Variants in GAB2 observed in about 807,000 individuals in gnomAD.
The protein encoded by GAB2 is GRB2-associated-binding protein 2.
In GAB2, 26 loss-of-function variants were observed where a neutral mutation model predicts 65.5. The ratio of observed to expected loss-of-function variants is 0.40; its 90% CI spans 0.29 to 0.55. GAB2 has a LOEUF of 0.55. Among genes scored for constraint, GAB2 ranks in the 20% least tolerant of loss-of-function variants. The probability of loss-of-function intolerance (pLI) is 0.53; values close to 1 mark genes in which losing one functional copy is unlikely to be tolerated. For synonymous variants in GAB2, 321 were observed against 329.6 expected (o/e 0.97, Z 0.28); for missense variants, 884 against 875.8 (o/e 1.01, Z -0.12).
intron 1 of GAB2, among the ~76,000 whole-genome samples, chr11:78,327,299 G>A (rs567169699): frequency 9.9e-5 from 15 of 152,210 alleles, no homozygotes; most frequent in Admixed American, 2.6e-4. Flanking sequence ...GGTCTGCTGG[G>A]CATTCAAAGT....
At chr11:78,232,527 G>A (rs140023844) in intron 3 of GAB2, among the ~76,000 whole-genome samples, 2 of 152,262 alleles carry the variant, frequency 1.3e-5, no homozygotes, top group African/African-American at 4.8e-5. Flanking sequence ...TCTTTCCGTT[G>A]GCAATAGATA....
At chr11:78,360,533 A>G (rs538580497) in intron 1 of GAB2, among the ~76,000 whole-genome samples, 1 of 152,278 alleles carries the variant, frequency 6.6e-6, no homozygotes, top group African/African-American at 2.4e-5. Context: ...CCCTAAATGA[A>G]TTTATTAATT....
chr11:78,337,418 A>G (rs1190389406), intron 1 of GAB2, among the ~76,000 whole-genome samples: 1 of 152,220 alleles, frequency 6.6e-6, no homozygotes, highest in Non-Finnish European at 1.5e-5. Flanking sequence ...GAAGTAAGGC[A>G]GAATTCCCCA....
At chr11:78,297,522 T>G (rs922613517) in intron 1 of GAB2, among the ~76,000 whole-genome samples, 1 of 152,144 alleles carries the variant, frequency 6.6e-6, no homozygotes, top group South Asian at 2.1e-4. Context: ...GTCCATCATA[T>G]GGGAACTACT....
chr11:78,260,493 T>A (rs1256542050), intron 2 of GAB2, among the ~76,000 whole-genome samples: 1 of 149,896 alleles, frequency 6.7e-6, no homozygotes, highest in East Asian at 2.0e-4. Flanking sequence ...TTTTTTTGAA[T>A]GGAGTCTTGC....
rs1186751366 is a variant in GAB2 at position 78,399,564 on chromosome 11, C to T, written c.75+18082G>A. Among the ~76,000 whole-genome samples the T allele has an allele frequency of 2.0e-5, 3 of 152,174 alleles. No homozygotes were observed. In the East Asian group the frequency reaches 5.8e-4, roughly 29 times the overall value. On this transcript the variant is annotated intron_variant, in intron 1 of 9. Transcript: ENST00000361507. ...TTTCCCTTCCATGAGACTGGCAGATCCTTGAGCTGTTCCTTTCAGGAAAAA... is the reference window on the plus strand; with the variant it reads ...TTTCCCTTCCATGAGACTGGCAGATTCTTGAGCTGTTCCTTTCAGGAAAAA...
intron 1 of GAB2, among the ~76,000 whole-genome samples, chr11:78,398,446 C>T (rs1565184894): frequency 1.3e-5 from 2 of 152,122 alleles, no homozygotes; most frequent in Non-Finnish European, 2.9e-5. Flanking sequence ...ATGTACATGT[C>T]TAGTATTTGC....
intron 1 of GAB2, among the ~76,000 whole-genome samples, chr11:78,393,021 A>T (rs1856853377): frequency 6.6e-6 from 1 of 152,230 alleles, no homozygotes; most frequent in African/African-American, 2.4e-5. Flanking sequence ...AAGAGACTAA[A>T]AACACAGTCA....
At position 78,218,444 on chromosome 11, in the gene GAB2, G is replaced by A. The variant is rs1402045921; in HGVS notation, c.*828C>T. ...GACTGGGGAAGAGGACTAGCCCTTG[G>A]GCCTAGAGTGGCCTGTAGCTCCAGA... On this transcript the variant is annotated 3_prime_UTR_variant, in exon 10 of 10. Transcript: ENST00000361507. 6.6e-6 allele frequency: 1 copy of A among 152,436 alleles called. No homozygotes were observed. Among genetic ancestry groups the A allele is most frequent in the African/African-American group, 2.4e-5 (1 of 41,446 alleles). 9.4% of individuals were successfully genotyped at this position (152,436 alleles called of 1,614,324 possible). A position where few individuals can be genotyped will look rare whatever the true frequency, so the allele number is the denominator to read the frequency against.
At chr11:78,248,902 A>G (rs1865370353) in intron 3 of GAB2, among the ~76,000 whole-genome samples, 1 of 152,192 alleles carries the variant, frequency 6.6e-6, no homozygotes, top group Non-Finnish European at 1.5e-5. Context: ...TAACGCCACT[A>G]ACTAGTTCAG....
chr11:78,256,838 G>A (rs1464782626), intron 2 of GAB2, among the ~76,000 whole-genome samples: 1 of 152,286 alleles, frequency 6.6e-6, no homozygotes, highest in East Asian at 1.9e-4. Context: ...ATTAAACAAT[G>A]TGTGGCTGGG....
In GAB2 at chr11:78,217,485, G is replaced by A. The variant is rs955140764; in HGVS notation, c.*1787C>T. 3.3e-5 allele frequency: 5 copies of A among 152,322 alleles called. No individual in the cohort carries two copies. The highest frequency in any genetic ancestry group is 1.3e-4 in the Admixed American group (2 of 15,286). The allele number at this position is 152,322 out of a possible 1,614,324, so 9.4% of individuals were successfully genotyped here. On this transcript the variant is annotated 3_prime_UTR_variant, in exon 10 of 10. Coordinates refer to ENST00000361507, the MANE Select transcript of GAB2 (RefSeq NM_080491.3). Reference sequence around the variant, plus strand: ...TATGCATGCTCATGGGAGCTGAAAGGGGAATGGGGGCAGAGGACAGTGGTA... The same window carrying A: ...TATGCATGCTCATGGGAGCTGAAAGAGGAATGGGGGCAGAGGACAGTGGTA...
intron 2 of GAB2, among the ~76,000 whole-genome samples, chr11:78,272,436 T>C (rs1245980175): frequency 1.3e-5 from 2 of 152,170 alleles, no homozygotes; most frequent in African/African-American, 4.8e-5. Context: ...GTGACTCTTG[T>C]TATATTTTAG....
chr11:78,338,461 A>C (rs2134687762), intron 1 of GAB2, among the ~76,000 whole-genome samples: 1 of 152,354 alleles, frequency 6.6e-6, no homozygotes, highest in South Asian at 2.1e-4. Flanking sequence ...TCTACACCAA[A>C]GGCAGGAACT....
intron 1 of GAB2, among the ~76,000 whole-genome samples, chr11:78,320,177 A>G (rs565328515): frequency 6.6e-6 from 1 of 152,168 alleles, no homozygotes; most frequent in East Asian, 1.9e-4. Flanking sequence ...AGGTGAGAAG[A>G]AACAGATAAT....
intron 2 of GAB2, among the ~76,000 whole-genome samples, chr11:78,272,267 C>T (rs111656773): frequency 0.028 from 4,228 of 152,118 alleles, 153 homozygotes; most frequent in African/African-American, 0.088. Context: ...GAACAGTTTG[C>T]GGGGCTCAGA....
chr11:78,402,313 GGAAGCCTTTGCT>G, intron 1 of GAB2, among the ~76,000 whole-genome samples: 1 of 145,028 alleles, frequency 6.9e-6, no homozygotes, highest in African/African-American at 2.9e-5. Flanking sequence ...TTCTTCTCTA[GGAAGCCTTTGCT>G]TTTTTTTCTT....
chr11:78,236,576 A>G (rs1864987549), intron 3 of GAB2, among the ~76,000 whole-genome samples: 1 of 152,206 alleles, frequency 6.6e-6, no homozygotes. Context: ...ATATTTCTCC[A>G]TTAGGTATGA....
rs58702567 is a variant in GAB2, at chr11:78,285,310, A to G, written c.76-4409T>C. ...AACAAGAAAACCATGTTTGCTACAG[A>G]TAATATCAGAGCCTGTCAGGTTTTG... On this transcript the variant is annotated intron_variant, in intron 1 of 9. Coordinates refer to ENST00000361507, the MANE Select transcript of GAB2 (RefSeq NM_080491.3). 8.4e-3 allele frequency among the ~76,000 whole-genome samples: 1,278 copies of G among 152,342 alleles called. 19 individuals carry two copies. The highest frequency in any genetic ancestry group is 0.029 in the African/African-American group (1,205 of 41,572).
Sources: allele counts gnomAD v4.1 joint callset (sites outside exome capture counted in the v4.1 genomes callset), GRCh38; gene constraint gnomAD v4.1.1; transcripts MANE v1.5; gene names NCBI Gene and HGNC (gene_info 2026-07-23, HGNC 2026-07-21).